Variants in TOM1L2 observed in about 807,000 individuals in gnomAD.
TOM1L2 encodes the protein target of myb1 like 2 membrane trafficking protein, also known as TOM1-like protein 2.
A neutral mutation model predicts 67.9 loss-of-function variants in TOM1L2; 31 were observed. The observed-to-expected ratio is 0.46, with a 90% CI of 0.34 to 0.62. The LOEUF (loss-of-function observed/expected upper bound fraction) is 0.62, where lower values mean the gene tolerates loss of function less well. Ranked by LOEUF, TOM1L2 falls within the 20% of genes least tolerant of loss-of-function variation. TOM1L2 has a pLI of 0.01. For missense variants in TOM1L2, 606 were observed against 663.5 expected, an observed-to-expected ratio of 0.91 and a Z score of 0.95; for synonymous variants, 256 against 254.0, an observed-to-expected ratio of 1.01 and a Z score of -0.07.
At chr17:17,861,747 C>T (rs2036571332) in intron 11 of TOM1L2, among the ~76,000 whole-genome samples, 196 bp from the exon 12 acceptor site, 1 of 152,180 alleles carries the variant, frequency 6.6e-6, no homozygotes, top group Non-Finnish European at 1.5e-5. Flanking sequence ...TGCTAGGAGG[C>T]CTGGGTCCTA....
At chr17:17,867,284 C>T (rs1302737865) in intron 8 of TOM1L2, among the ~76,000 whole-genome samples, 1 of 152,100 alleles carries the variant, frequency 6.6e-6, no homozygotes, top group African/African-American at 2.4e-5. Flanking sequence ...GGGCTGTGTT[C>T]AGGAGCAACT....
intron 1 of TOM1L2, among the ~76,000 whole-genome samples, chr17:17,954,095 T>A (rs2041324614): frequency 6.6e-6 from 1 of 152,198 alleles, no homozygotes; most frequent in Admixed American, 6.5e-5. Flanking sequence ...GGGCCAGCTT[T>A]GTGGCAGTGG....
intron 1 of TOM1L2, among the ~76,000 whole-genome samples, chr17:17,956,261 T>C (rs1598406348): frequency 1.3e-5 from 2 of 152,218 alleles, no homozygotes; most frequent in East Asian, 3.9e-4. Flanking sequence ...ATCCCTGAGC[T>C]AGACACAAAG....
chr17:17,957,707 A>ATG (rs1178184319), intron 1 of TOM1L2, among the ~76,000 whole-genome samples: 4 of 151,944 alleles, frequency 2.6e-5, no homozygotes, highest in African/African-American at 4.8e-5. Context: ...ATGTATTTAC[A>ATG]TGTGTGTATA....
At chr17:17,893,555 G>T in intron 4 of TOM1L2, 106 bp downstream of exon 4, 2 of 1,080,694 alleles carry the variant, frequency 1.9e-6, no homozygotes, top group Non-Finnish European at 1.3e-6. Context: ...AAATGTAGAA[G>T]TCTCCATTTT....
intron 1 of TOM1L2, among the ~76,000 whole-genome samples, chr17:17,950,364 G>A (rs1190857666): frequency 2.0e-5 from 3 of 151,860 alleles, no homozygotes; most frequent in Non-Finnish European, 4.4e-5. Flanking sequence ...TTACCAAGTT[G>A]GCCGCGCTTG....
chr17:17,883,798 A>G (rs143105134), intron 5 of TOM1L2, among the ~76,000 whole-genome samples: 6 of 152,312 alleles, frequency 3.9e-5, no homozygotes, highest in African/African-American at 1.4e-4. Flanking sequence ...CCTCTTGCAC[A>G]TTAAAATTAA....
intron 10 of TOM1L2, 56 bp downstream of exon 10, chr17:17,866,240 A>G: frequency 6.5e-7 from 1 of 1,543,792 alleles, no homozygotes; most frequent in Non-Finnish European, 8.7e-7. Context: ...GGTGGCCTGC[A>G]AGGGAGGCCA....
At position 17,923,847 on chromosome 17, in the gene TOM1L2, A is replaced by G. The variant is rs536932246; in HGVS notation, c.53-16316T>C. On this transcript the variant is annotated intron_variant, in intron 1 of 14. Transcript: ENST00000379504. ...GAGCAAGAACTTGTGTCTAAAAAAG[A>G]AAAAAAAAGGCCGGGCGCGGTGGCT... Among the ~76,000 whole-genome samples, 23 of 151,544 alleles carry G rather than the reference A, an allele frequency of 1.5e-4. 1 individual carries two copies. The highest frequency in any genetic ancestry group is 6.6e-4 in the Admixed American group (10 of 15,188).
chr17:17,928,738 A>G (rs1187229935), intron 1 of TOM1L2, among the ~76,000 whole-genome samples: 4 of 152,164 alleles, frequency 2.6e-5, no homozygotes, highest in Non-Finnish European at 5.9e-5. Flanking sequence ...CACAGTAGGT[A>G]TTCAATAATG....
Position 17,972,287 on chromosome 17 carries a change from G to C in TOM1L2, c.27C>G (p.Phe9Leu). 2 of 1,552,224 alleles carry C rather than the reference G, an allele frequency of 1.3e-6. No individual in the cohort carries two copies. Among genetic ancestry groups the C allele is most frequent in the Non-Finnish European group, 1.7e-6 (2 of 1,148,538 alleles). Residue 9 changes from phenylalanine (F) to leucine (L), a missense_variant, in exon 1 of 15, where the codon TTC (phenylalanine) becomes TTG (leucine). Physicochemically the swap from Phe to Leu is conservative, Grantham distance 22. This residue lies in a region of TOM1L2 where 63 missense variants were observed against 109.5 expected (regional missense o/e 0.58). Transcript: ENST00000379504. ...CGAGGCACTGCCCCACTGGTGTGCT[G>C]AACGGGTTCCCCAGGAGGAACTCCA... Reference protein sequence around the residue: MEFLLGNPFSTPVGQCLEK... With the variant: MEFLLGNPLSTPVGQCLEK...
chr17:17,947,440 G>A (rs1388118640), intron 1 of TOM1L2, among the ~76,000 whole-genome samples: 2 of 152,150 alleles, frequency 1.3e-5, no homozygotes, highest in African/African-American at 4.8e-5. Context: ...TGGAGACAGG[G>A]TCTTTAAAGA....
At chr17:17,958,543 AC>A (rs1456068854) in intron 1 of TOM1L2, among the ~76,000 whole-genome samples, 1 of 152,106 alleles carries the variant, frequency 6.6e-6, no homozygotes, top group African/African-American at 2.4e-5. Flanking sequence ...CAGACTTACT[AC>A]CCCATGCTTA....
At position 17,847,650 on chromosome 17, in the gene TOM1L2, G is replaced by A. The variant is rs771240659; in HGVS notation, c.1509C>T (p.Ala503=). The change falls in exon 15 of 15, where the codon GCC becomes GCT. Residue 503 remains alanine, a synonymous_variant. Transcript: ENST00000379504. ...GRKKPERSED[A]LFAL ...ACAGAGCTGCTCACAGGGCGAAGAG[G>A]GCATCCTCTGACCGCTCTGGCTTCT... The A allele has an allele frequency of 6.2e-7, 1 of 1,612,586 alleles. No individual in the cohort carries two copies. Among genetic ancestry groups the A allele is most frequent in the Non-Finnish European group, 8.5e-7 (1 of 1,179,208 alleles).
chr17:17,951,750 T>C (rs763757770), intron 1 of TOM1L2, among the ~76,000 whole-genome samples: 9 of 152,194 alleles, frequency 5.9e-5, no homozygotes, highest in Non-Finnish European at 1.2e-4. Flanking sequence ...GGGGACGTGG[T>C]GCTTAGGAAG....
At chr17:17,926,626 G>A (rs1309976865) in intron 1 of TOM1L2, among the ~76,000 whole-genome samples, 3 of 152,050 alleles carry the variant, frequency 2.0e-5, no homozygotes, top group Non-Finnish European at 4.4e-5. Flanking sequence ...AGTTTTGGAG[G>A]CCGAGGCGGG....
At chr17:17,878,589 G>A (rs1349578017) in intron 7 of TOM1L2, among the ~76,000 whole-genome samples, 1 of 152,244 alleles carries the variant, frequency 6.6e-6, no homozygotes, top group Non-Finnish European at 1.5e-5. Context: ...CGGCAAGCAT[G>A]TGCCAGCAGC....
chr17:17,967,298 C>T (rs1340101932), intron 1 of TOM1L2, among the ~76,000 whole-genome samples: 1 of 152,214 alleles, frequency 6.6e-6, no homozygotes, highest in Non-Finnish European at 1.5e-5. Context: ...CCCACCACCC[C>T]CAATATTCTG....
intron 1 of TOM1L2, among the ~76,000 whole-genome samples, chr17:17,917,765 G>A (rs993955641): frequency 2.0e-5 from 3 of 151,776 alleles, no homozygotes; most frequent in African/African-American, 7.3e-5. Context: ...GAACAGCCTG[G>A]GCAACATAAG....
Sources: allele counts gnomAD v4.1 joint callset (sites outside exome capture counted in the v4.1 genomes callset), GRCh38; gene constraint gnomAD v4.1.1; regional missense constraint gnomAD v4.1.1; transcripts MANE v1.5; gene names NCBI Gene and HGNC (gene_info 2026-07-23, HGNC 2026-07-21).